Variants in MEGF6 observed in about 807,000 individuals in gnomAD.
MEGF6 encodes multiple epidermal growth factor-like domains protein 6.
In MEGF6, 184 loss-of-function variants were observed where a neutral mutation model predicts 207.1. The ratio of observed to expected loss-of-function variants is 0.89; its 90% CI spans 0.79 to 1.00. The LOEUF is 1.00. Among genes scored for constraint, MEGF6 ranks in the 50% least tolerant of loss-of-function variants. The pLI is 0.00. For synonymous variants in MEGF6, 1,038 were observed against 910.0 expected (o/e 1.14, Z -2.53); for missense variants, 2,282 against 2,202.9 (o/e 1.04, Z -0.72).
intron 4 of MEGF6, among the ~76,000 whole-genome samples, chr1:3,555,480 G>A (rs1351441138): frequency 6.6e-6 from 1 of 152,248 alleles, no homozygotes. Flanking sequence ...GGCGACTCCT[G>A]TAAGCACTGA....
chr1:3,492,275 C>T lies in MEGF6; in HGVS notation c.4516+364G>A, dbSNP rs1335464132. 3.9e-5 allele frequency among the ~76,000 whole-genome samples: 6 copies of T among 152,236 alleles called. No homozygotes were observed. In the Middle Eastern group the frequency reaches 0.014, roughly 345 times the overall value. ...GGGCAGGAGGGGCAGGGATGGCCAG[C>T]GTCCATCCACACTGTGGATGGTCCA... On this transcript the variant is annotated intron_variant, in intron 35 of 36. Coordinates refer to ENST00000356575, the MANE Select transcript of MEGF6 (RefSeq NM_001409.4).
At chr1:3,590,441 C>T (rs1196928970) in intron 3 of MEGF6, among the ~76,000 whole-genome samples, 1 of 152,238 alleles carries the variant, frequency 6.6e-6, no homozygotes, top group Non-Finnish European at 1.5e-5. Flanking sequence ...TGCACCCGGG[C>T]CACAGGCTCC....
chr1:3,612,749 G>A (rs1407635585), upstream of MEGF6, among the ~76,000 whole-genome samples: 1 of 152,166 alleles, frequency 6.6e-6, no homozygotes, highest in Non-Finnish European at 1.5e-5. Context: ...CTGGCTGGGA[G>A]GGGCTTGGGA....
intron 3 of MEGF6, among the ~76,000 whole-genome samples, chr1:3,592,948 C>G (rs901695032): frequency 9.2e-5 from 14 of 152,228 alleles, no homozygotes; most frequent in Non-Finnish European, 1.9e-4. Flanking sequence ...GCTCCCTGCC[C>G]CCAGCCTCAG....
At chr1:3,569,643 G>A (rs1243941836) in intron 4 of MEGF6, among the ~76,000 whole-genome samples, 1 of 152,252 alleles carries the variant, frequency 6.6e-6, no homozygotes, top group Non-Finnish European at 1.5e-5. Context: ...GGCAGGCACA[G>A]GGAGCCAAGA....
At chr1:3,574,404 C>A (rs1338380351) in intron 4 of MEGF6, among the ~76,000 whole-genome samples, 1 of 152,182 alleles carries the variant, frequency 6.6e-6, no homozygotes, top group Non-Finnish European at 1.5e-5. Flanking sequence ...AATTGCACCT[C>A]CCAAACCTTC....
chr1:3,561,490 A>G (rs1282680212), intron 4 of MEGF6, among the ~76,000 whole-genome samples: 1 of 152,164 alleles, frequency 6.6e-6, no homozygotes, highest in Non-Finnish European at 1.5e-5. Flanking sequence ...CGCCCTCACC[A>G]TCACTGCTGG....
At chr1:3,541,836 GGA>G (rs2101514683) in intron 4 of MEGF6, among the ~76,000 whole-genome samples, 1 of 152,230 alleles carries the variant, frequency 6.6e-6, no homozygotes, top group East Asian at 1.9e-4. Context: ...CACCGTGGGG[GGA>G]GTCTCTGGTG....
chr1:3,501,145 CAA>C, intron 19 of MEGF6, 30 bp downstream of exon 19: 1 of 1,612,552 alleles, frequency 6.2e-7, no homozygotes, highest in Non-Finnish European at 8.5e-7. Context: ...TACCCCAGGT[CAA>C]AGGCTCAGGG....
chr1:3,605,518 ACATT>A (rs1644233516), intron 1 of MEGF6, among the ~76,000 whole-genome samples: 1 of 149,222 alleles, frequency 6.7e-6, no homozygotes, highest in Admixed American at 6.8e-5. Context: ...ACACACATAC[ACATT>A]CACACTCACA....
rs559747018 is a variant in MEGF6, at chr1:3,606,467, G to A, written c.132-3867C>T. ...TCCCCACGCCCCATCTTTAAGACGC[G>A]CAGGTTACTGAACCTCTGCCTCAGT... On this transcript the variant is annotated intron_variant, in intron 1 of 36. Transcript: ENST00000356575. 4.1e-4 allele frequency among the ~76,000 whole-genome samples: 62 copies of A among 152,266 alleles called. No homozygotes were observed. The South Asian group carries it at 6.6e-3, about 16-fold the overall frequency.
chr1:3,506,065 C>T (rs1427220865), intron 15 of MEGF6, 43 bp downstream of exon 15: 19 of 1,544,838 alleles, frequency 1.2e-5, no homozygotes, highest in Middle Eastern at 1.7e-4. Context: ...CCCTTCCACC[C>T]GCTGCCACCA....
At chr1:3,608,429 G>A (rs1318362114) in intron 1 of MEGF6, among the ~76,000 whole-genome samples, 1 of 152,162 alleles carries the variant, frequency 6.6e-6, no homozygotes, top group African/African-American at 2.4e-5. Context: ...CTGACAACCT[G>A]CAGGCCTCAG....
chr1:3,562,659 G>C (rs754955572), intron 4 of MEGF6, among the ~76,000 whole-genome samples: 2 of 152,244 alleles, frequency 1.3e-5, no homozygotes, highest in African/African-American at 4.8e-5. Context: ...GGGTGGGCTG[G>C]AGCCTTGCTG....
chr1:3,509,344 A>G (rs1641245681), intron 11 of MEGF6, 99 bp from the exon 12 acceptor site: 7 of 1,064,964 alleles, frequency 6.6e-6, no homozygotes, highest in African/African-American at 3.3e-5. Context: ...ACCCCAGGGA[A>G]CCCCACCACC....
chr1:3,551,723 C>T (rs1457952413), intron 4 of MEGF6, among the ~76,000 whole-genome samples: 4 of 152,088 alleles, frequency 2.6e-5, no homozygotes, highest in African/African-American at 4.8e-5. Flanking sequence ...CAGGGGAGCC[C>T]GAGATGGGGG....
At chr1:3,608,953 G>A (rs563452057) in intron 1 of MEGF6, among the ~76,000 whole-genome samples, 3 of 152,306 alleles carry the variant, frequency 2.0e-5, no homozygotes, top group South Asian at 4.1e-4. Flanking sequence ...CACACCCCTC[G>A]CTGCCTCCGA....
chr1:3,499,894 C>T lies in MEGF6; in HGVS notation c.2738G>A (p.Cys913Tyr). Reference protein sequence around the residue: ...QCPQGHFGPGCEQRCQCQHGA... With the variant: ...QCPQGHFGPGYEQRCQCQHGA... ...ATGCTGACACTGGCACCGCTGCTCA[C>T]AGCCGGGCCCAAAGTGGCCCTGGGG... The change falls in exon 22 of 37, where the codon TGT (cysteine) becomes TAT (tyrosine). Residue 913 changes from cysteine to tyrosine, a missense_variant. By Grantham distance (194) the Cys-to-Tyr change is radical (BLOSUM62 -2). Transcript: ENST00000356575. 2 of 1,561,420 alleles carry T rather than the reference C, an allele frequency of 1.3e-6. No individual in the cohort carries two copies. The highest frequency in any genetic ancestry group is 1.7e-6 in the Non-Finnish European group (2 of 1,153,680).
At chr1:3,519,927 C>T (rs1641681458) in intron 5 of MEGF6, among the ~76,000 whole-genome samples, 1 of 152,164 alleles carries the variant, frequency 6.6e-6, no homozygotes, top group Non-Finnish European at 1.5e-5. Flanking sequence ...TGGGAGGCCA[C>T]CCCCAGCCGT....
Sources: allele counts gnomAD v4.1 joint callset (sites outside exome capture counted in the v4.1 genomes callset), GRCh38; gene constraint gnomAD v4.1.1; transcripts MANE v1.5; gene names NCBI Gene and HGNC (gene_info 2026-07-23, HGNC 2026-07-21).